The following DHX32 variants were observed in gnomAD, a reference collection of about 807,000 sequenced individuals.
The protein encoded by DHX32 is DEAH-box helicase 32 (putative).
In DHX32, 51 loss-of-function variants were observed where a neutral mutation model predicts 70.0. The observed-to-expected ratio is 0.73, with a 90% CI of 0.58 to 0.92. DHX32 has a LOEUF of 0.92. Ranked by LOEUF, DHX32 falls within the 40% of genes least tolerant of loss-of-function variation. The pLI, the probability that DHX32 is intolerant of heterozygous loss-of-function variation, is 0.00. For synonymous variants in DHX32, 310 were observed against 315.3 expected (o/e 0.98, Z 0.18); for missense variants, 762 against 891.8 (o/e 0.85, Z 1.85).
chr10:125,886,718 C>A (rs1944342795), intron 1 of DHX32, among the ~76,000 whole-genome samples: 1 of 152,304 alleles, frequency 6.6e-6, no homozygotes. Flanking sequence ...AAATTAACTC[C>A]TTTCAACATT....
intron 6 of DHX32, among the ~76,000 whole-genome samples, chr10:125,849,974 G>C (rs536309293): frequency 6.6e-6 from 1 of 152,004 alleles, no homozygotes; most frequent in Non-Finnish European, 1.5e-5. Context: ...AGAATCTTTT[G>C]TTTCTCTTTT....
intron 3 of DHX32, 66 bp downstream of exon 3, chr10:125,859,537 T>A (rs1208273805): frequency 6.7e-7 from 1 of 1,489,480 alleles, no homozygotes; most frequent in East Asian, 2.3e-5. Flanking sequence ...AACCTGTATG[T>A]TAGTTATTAA....
intron 1 of DHX32, among the ~76,000 whole-genome samples, chr10:125,874,001 G>A (rs1944270156): frequency 6.6e-6 from 1 of 152,176 alleles, no homozygotes; most frequent in Non-Finnish European, 1.5e-5. Flanking sequence ...AAAAACTAGA[G>A]AAGGAGAAAT....
At chr10:125,893,520 G>A (rs1288704147) in intron 1 of DHX32, among the ~76,000 whole-genome samples, 1 of 152,252 alleles carries the variant, frequency 6.6e-6, no homozygotes, top group Non-Finnish European at 1.5e-5. Flanking sequence ...TGGGATTACA[G>A]GCGTGAGCCA....
rs772781463 is a variant in DHX32, at chr10:125,838,210, C to T, written c.2059G>A (p.Glu687Lys). ...TTTCTTCTCCATTAAACTTACAGTT[C>T]AGGAGAGATTTCTGAGGTAATCCTG... ...YIRITSEISP[E>K]LFMQLVPQYY... Residue 687 changes from glutamate (E) to lysine (K), a missense_variant, in exon 10 of 11, where the codon GAA becomes AAA. By Grantham distance (56) the Glu-to-Lys change is moderately conservative. Coordinates refer to ENST00000284690, the MANE Select transcript of DHX32 (RefSeq NM_018180.3). The T allele has an allele frequency of 6.3e-7, 1 of 1,599,980 alleles. No homozygotes were observed. Among genetic ancestry groups the T allele is most frequent in the Non-Finnish European group, 8.5e-7 (1 of 1,175,680 alleles).
At chr10:125,871,969 TCTC>T (rs1460729660) in intron 1 of DHX32, among the ~76,000 whole-genome samples, 1 of 151,930 alleles carries the variant, frequency 6.6e-6, no homozygotes, top group Non-Finnish European at 1.5e-5. Flanking sequence ...TTCAAGCAAT[TCTC>T]CTGCCTCAGC....
rs1944224073 is a variant in DHX32, at chr10:125,866,979, C to T, written c.476+11G>A. 1.2e-6 allele frequency: 2 copies of T among 1,609,714 alleles called. No individual in the cohort carries two copies. Among genetic ancestry groups the T allele is most frequent in the Admixed American group, 1.7e-5 (1 of 59,806 alleles). ...CATCAGCAGGGAGCGGACTGAACCC[C>T]ACAAACCAACCTCAGGATTGTTTCG... On this transcript the variant is annotated intron_variant, in intron 2 of 10. Coordinates refer to ENST00000284690, the MANE Select transcript of DHX32 (RefSeq NM_018180.3). This position sits in a 1 kb window ranked among gnomAD's most constrained non-coding sequence, Gnocchi z 4.8.
At chr10:125,876,325 C>T (rs912796816) in intron 1 of DHX32, among the ~76,000 whole-genome samples, 1 of 152,236 alleles carries the variant, frequency 6.6e-6, no homozygotes, top group Non-Finnish European at 1.5e-5. Flanking sequence ...TAAATTCATT[C>T]TCTATTTCAA....
Position 125,859,719 on chromosome 10 carries a change from C to A in DHX32, c.733G>T (p.Val245Phe), listed in dbSNP as rs373742535. 24 of 1,613,952 alleles carry A rather than the reference C, an allele frequency of 1.5e-5. No homozygotes were observed. The highest frequency in any genetic ancestry group is 2.0e-5 in the Non-Finnish European group (24 of 1,180,012). ...IEVKNKHPVE[V>F]VYLSEAQKDS... ...TTTTGAGCCTCACTAAGGTACACAACCTCCACAGGGTGTTTATTTTTCACT... is the reference window on the plus strand; with the variant it reads ...TTTTGAGCCTCACTAAGGTACACAAACTCCACAGGGTGTTTATTTTTCACT... Residue 245 changes from valine to phenylalanine, a missense_variant, in exon 3 of 11, where the codon GTT (valine) becomes TTT (phenylalanine). Transcript: ENST00000284690.
chr10:125,892,965 G>A (rs944402425), intron 1 of DHX32, among the ~76,000 whole-genome samples: 3 of 152,062 alleles, frequency 2.0e-5, no homozygotes, highest in African/African-American at 7.2e-5. Flanking sequence ...AAATTATCAG[G>A]TACACAATGA....
chr10:125,853,137 G>T, intron 4 of DHX32: 1 of 1,607,950 alleles, frequency 6.2e-7, no homozygotes, highest in Non-Finnish European at 8.5e-7. Flanking sequence ...GGTTCACGGG[G>T]GCAAGTGACA....
chr10:125,862,144 T>A (rs187743852), intron 2 of DHX32, among the ~76,000 whole-genome samples: 1 of 152,170 alleles, frequency 6.6e-6, no homozygotes, highest in South Asian at 2.1e-4. Context: ...GAGTCAAGAT[T>A]TAAACCCAGA....
chr10:125,888,841 C>A (rs79328688), intron 1 of DHX32, among the ~76,000 whole-genome samples: 31 of 150,206 alleles, frequency 2.1e-4, no homozygotes, highest in Admixed American at 4.0e-4. Flanking sequence ...GGGTGGATCA[C>A]TTGAGGTCAG....
chr10:125,863,960 T>TAG (rs1451820440), intron 2 of DHX32, among the ~76,000 whole-genome samples: 1 of 152,190 alleles, frequency 6.6e-6, no homozygotes, highest in Non-Finnish European at 1.5e-5. Flanking sequence ...GCAAGTATAT[T>TAG]AATCGTCCAC....
intron 6 of DHX32, among the ~76,000 whole-genome samples, chr10:125,846,494 A>G (rs1944022246): frequency 2.0e-5 from 3 of 152,172 alleles, no homozygotes; most frequent in Admixed American, 6.5e-5. Flanking sequence ...TGTTTTGAGT[A>G]TCTTGTGCTA....
chr10:125,837,451 A>G (rs1447437395), intron 10 of DHX32, among the ~76,000 whole-genome samples: 3 of 152,106 alleles, frequency 2.0e-5, no homozygotes, highest in African/African-American at 7.2e-5. Context: ...CTTTTTAGAC[A>G]GCGTCTTGGT....
intron 8 of DHX32, 108 bp downstream of exon 8, chr10:125,840,739 T>C (rs933339988): frequency 5.5e-6 from 7 of 1,275,066 alleles, no homozygotes; most frequent in African/African-American, 1.5e-5. Context: ...TGCATTCAAG[T>C]GGCCAGTAGG....
At chr10:125,854,265 T>A in intron 3 of DHX32, 62 bp from the exon 4 acceptor site, 1 of 1,481,104 alleles carries the variant, frequency 6.8e-7, no homozygotes, top group Non-Finnish European at 8.9e-7. Context: ...ATTAAAAAAA[T>A]GTCTGAATTA....
intron 1 of DHX32, among the ~76,000 whole-genome samples, chr10:125,892,912 G>T (rs1283651720): frequency 2.0e-5 from 3 of 152,116 alleles, no homozygotes; most frequent in Non-Finnish European, 4.4e-5. Context: ...TTAATGCAAT[G>T]ACCCCTAACT....
Sources: allele counts gnomAD v4.1 joint callset (sites outside exome capture counted in the v4.1 genomes callset), GRCh38; gene constraint gnomAD v4.1.1; non-coding constraint Gnocchi (gnomAD v3.1); transcripts MANE v1.5; gene names NCBI Gene and HGNC (gene_info 2026-07-23, HGNC 2026-07-21).